Variants in YES1 observed in about 807,000 individuals in gnomAD.
YES1 encodes the protein YES proto-oncogene 1, Src family tyrosine kinase, also known as tyrosine-protein kinase Yes.
In YES1, 39 loss-of-function variants were observed where a neutral mutation model predicts 70.4. The ratio of observed to expected loss-of-function variants is 0.55; its 90% CI spans 0.43 to 0.72. The LOEUF is 0.72. Among genes scored for constraint, YES1 ranks in the 30% least tolerant of loss-of-function variants. The pLI is 0.00. For synonymous variants in YES1, 198 were observed against 218.6 expected, an observed-to-expected ratio of 0.91 and a Z score of 0.83; for missense variants, 495 against 644.8, an observed-to-expected ratio of 0.77 and a Z score of 2.52.
intron 11 of YES1, among the ~76,000 whole-genome samples, chr18:729,077 T>TA (rs1568182875): frequency 6.6e-6 from 1 of 152,204 alleles, no homozygotes; most frequent in Admixed American, 6.5e-5. Flanking sequence ...CTCCACAAAT[T>TA]AGACCTTTTC....
intron 6 of YES1, among the ~76,000 whole-genome samples, chr18:744,848 G>T (rs1353108498): frequency 6.6e-6 from 1 of 151,792 alleles, no homozygotes; most frequent in Non-Finnish European, 1.5e-5. Flanking sequence ...TTAAATAAGG[G>T]AGACACAAAG....
chr18:749,960 G>GTTT (rs2080325272), intron 3 of YES1, among the ~76,000 whole-genome samples: 1 of 151,888 alleles, frequency 6.6e-6, no homozygotes, highest in Non-Finnish European at 1.5e-5. Context: ...CACATAAGCC[G>GTTT]TCATTTTTTC....
At chr18:810,650 T>C (rs1038021219) in intron 1 of YES1, among the ~76,000 whole-genome samples, 7 of 152,236 alleles carry the variant, frequency 4.6e-5, no homozygotes, top group African/African-American at 1.7e-4. Context: ...TTTTCAAATG[T>C]AGGACCCTCT....
chr18:810,875 T>C (rs1907339529), intron 1 of YES1, among the ~76,000 whole-genome samples: 1 of 152,134 alleles, frequency 6.6e-6, no homozygotes, highest in Admixed American at 6.5e-5. Context: ...GCATACAAGA[T>C]CCTTGGCTAA....
intron 1 of YES1, among the ~76,000 whole-genome samples, chr18:795,686 A>T (rs1045710888): frequency 6.7e-6 from 1 of 149,890 alleles, no homozygotes; most frequent in Admixed American, 6.7e-5. Context: ...GTTCTCACTT[A>T]TAAGTGGGAG....
In YES1 at chr18:794,535, T is replaced by C. The variant is rs78634036; in HGVS notation, c.-9+17579A>G. Among the ~76,000 whole-genome samples the C allele has an allele frequency of 1.6e-3, 245 of 152,308 alleles. 2 individuals are homozygous for C. The highest frequency in any genetic ancestry group is 8.9e-3 in the East Asian group (46 of 5,190). On this transcript the variant is annotated intron_variant, in intron 1 of 11. Coordinates refer to ENST00000314574, the MANE Select transcript of YES1 (RefSeq NM_005433.4). ...TATTACTTTCCTTGCCACATTTCCT[T>C]TATTGTTCCCTCCTAGGGCTGCTGT...
At chr18:767,948 G>A (rs1287458071) in intron 1 of YES1, among the ~76,000 whole-genome samples, 15 of 152,204 alleles carry the variant, frequency 9.9e-5, no homozygotes, top group Non-Finnish European at 1.8e-4. Context: ...TGATCCAACC[G>A]CCTCGGCCTC....
chr18:754,342 ATT>A (rs2080378970), intron 2 of YES1, among the ~76,000 whole-genome samples: 1 of 152,064 alleles, frequency 6.6e-6, no homozygotes, highest in Non-Finnish European at 1.5e-5. Flanking sequence ...TAAATGTTGC[ATT>A]TGTTATTTCC....
intron 1 of YES1, among the ~76,000 whole-genome samples, chr18:760,384 C>T (rs551621757): frequency 8.5e-5 from 13 of 152,190 alleles, no homozygotes; most frequent in South Asian, 4.2e-4. Flanking sequence ...GCAGAAGAAT[C>T]GCTTGAATCT....
chr18:761,331 C>T (rs1904582661), intron 1 of YES1, among the ~76,000 whole-genome samples: 1 of 151,616 alleles, frequency 6.6e-6, no homozygotes, highest in Admixed American at 6.6e-5. Flanking sequence ...GTCTAAATAT[C>T]AAGAAAACAG....
chr18:775,969 T>A lies in YES1; in HGVS notation c.-8-19134A>T, dbSNP rs80130545. On this transcript the variant is annotated intron_variant, in intron 1 of 11. Coordinates refer to ENST00000314574, the MANE Select transcript of YES1 (RefSeq NM_005433.4). ...ATATACCATAGGTAAGGGATATGAA[T>A]TGTTTCCAGTTTTTTTGCTATTAGA... Among the ~76,000 whole-genome samples the A allele has an allele frequency of 7.7e-4, 118 of 152,306 alleles. No individual in the cohort carries two copies. The East Asian group carries it at 0.019, about 25-fold the overall frequency.
Position 755,301 on chromosome 18 carries a change from T to C in YES1, c.271+1256A>G, listed in dbSNP as rs1053674207. On this transcript the variant is annotated intron_variant, in intron 2 of 11. Coordinates refer to ENST00000314574, the MANE Select transcript of YES1 (RefSeq NM_005433.4). The stretch of plus-strand genomic sequence containing the variant: ...TCTCGCTCTGTCACCTAGGCTGGAA[T>C]GCAGTGGCGCAATCTTGGCTCACTG... 2.6e-5 allele frequency among the ~76,000 whole-genome samples: 4 copies of C among 151,934 alleles called. No homozygotes were observed. The East Asian group carries it at 7.7e-4, about 29-fold the overall frequency.
At chr18:794,586 A>C (rs1010934883) in intron 1 of YES1, among the ~76,000 whole-genome samples, 1 of 152,116 alleles carries the variant, frequency 6.6e-6, no homozygotes, top group Non-Finnish European at 1.5e-5. Flanking sequence ...TAAAATAACA[A>C]ATTTATTATG....
At chr18:754,280 T>C (rs2080378236) in intron 2 of YES1, among the ~76,000 whole-genome samples, 1 of 152,198 alleles carries the variant, frequency 6.6e-6, no homozygotes, top group Non-Finnish European at 1.5e-5. Flanking sequence ...CCCCTCTGTT[T>C]ATACTAGTCT....
intron 1 of YES1, among the ~76,000 whole-genome samples, chr18:757,235 G>T (rs1012037048): frequency 1.3e-5 from 2 of 152,214 alleles, no homozygotes; most frequent in Non-Finnish European, 2.9e-5. Context: ...TGGGCGCAGT[G>T]GCTCACGCCT....
intron 10 of YES1, among the ~76,000 whole-genome samples, chr18:733,471 T>A (rs966691427): frequency 6.6e-6 from 1 of 152,132 alleles, no homozygotes; most frequent in Non-Finnish European, 1.5e-5. Context: ...ATTATGCTAA[T>A]CACTATGGAA....
At chr18:809,857 C>G (rs1372747980) in intron 1 of YES1, among the ~76,000 whole-genome samples, 1 of 152,054 alleles carries the variant, frequency 6.6e-6, no homozygotes. Context: ...AGACCAATAC[C>G]CTTGGTAACT....
intron 1 of YES1, among the ~76,000 whole-genome samples, chr18:779,403 CAA>C (rs35003724): frequency 9.5e-4 from 60 of 62,970 alleles, no homozygotes; most frequent in Non-Finnish European, 8.0e-4. Context: ...GACCCTGTCT[CAA>C]AAAAAAAAAA....
At position 739,899 on chromosome 18, in the gene YES1, C is replaced by T. The variant is rs2080197515; in HGVS notation, c.1061-88G>A. ...TACTCCTCCACCCCAAATCACAACA[C>T]AAAACTTCTTAGCTTTTCATTTTTT... is the stretch of plus-strand genomic sequence containing the variant. On this transcript the variant is annotated intron_variant, in intron 8 of 11. Transcript: ENST00000314574. 1.5e-5 allele frequency: 14 copies of T among 962,336 alleles called. No homozygotes were observed. In the South Asian group the frequency reaches 2.7e-4, roughly 19 times the overall value. 59.6% of individuals were successfully genotyped at this position (962,336 alleles called of 1,614,324 possible).
Sources: gnomAD v4.1 joint callset for allele counts (sites outside exome capture counted in the v4.1 genomes callset) on GRCh38, gnomAD v4.1.1 for gene constraint, MANE v1.5 for transcripts, NCBI Gene and HGNC (gene_info 2026-07-23, HGNC 2026-07-21) for gene names.